Variants in SPATA7 observed in about 807,000 individuals in gnomAD.
SPATA7 encodes spermatogenesis associated 7, also known as spermatogenesis-associated protein 7.
Under a neutral mutation model 51.8 loss-of-function variants are expected in SPATA7, and 43 were observed. The ratio of observed to expected loss-of-function variants is 0.83; its 90% CI spans 0.65 to 1.07. The LOEUF (loss-of-function observed/expected upper bound fraction) is 1.07, where lower values mean the gene tolerates loss of function less well. SPATA7 is among the 50% of genes least tolerant of loss of function. SPATA7 has a pLI of 0.00. For missense variants in SPATA7, 683 were observed against 701.3 expected (o/e 0.97, Z 0.30); for synonymous variants, 230 against 252.8 (o/e 0.91, Z 0.86).
At chr14:88,440,055 G>A (rs578037110), downstream of SPATA7, among the ~76,000 whole-genome samples, 1 of 152,002 alleles carries the variant, frequency 6.6e-6, no homozygotes, top group African/African-American at 2.4e-5. Flanking sequence ...TTGCTTCTTG[G>A]GTTCTGTTGT....
intron 4 of SPATA7, among the ~76,000 whole-genome samples, chr14:88,461,161 C>T (rs776142750): frequency 7.2e-5 from 11 of 152,196 alleles, no homozygotes; most frequent in Non-Finnish European, 1.5e-4. Flanking sequence ...GGGTCAGGGA[C>T]CCACTTGAGG....
rs1324344389 is a variant in SPATA7, at chr14:88,396,015, TTA to T, written c.191-140_191-139del. ...AGTTATTAATCCCAACAGTGTATTTTTAATCAAGGATCTTGTGTTTTCCATCG... is the reference window on the plus strand; with the variant it reads ...AGTTATTAATCCCAACAGTGTATTTTATCAAGGATCTTGTGTTTTCCATCG... On this transcript the variant is annotated intron_variant, in intron 3 of 11. Transcript: ENST00000393545. 5.6e-6 allele frequency: 4 copies of T among 711,542 alleles called. No individual in the cohort carries two copies. The Admixed American group carries it at 8.6e-5, about 15-fold the overall frequency. The allele number at this position is 711,542 out of a possible 1,614,324, so 44.1% of individuals were successfully genotyped here.
chr14:88,436,140 G>T (rs1256859497), intron 10 of SPATA7, among the ~76,000 whole-genome samples: 1 of 152,056 alleles, frequency 6.6e-6, no homozygotes, highest in Admixed American at 6.5e-5. Flanking sequence ...TTGTAGTTTT[G>T]ATTTGCATTC....
At chr14:88,402,959 CAAAAAAA>C (rs56330042) in intron 4 of SPATA7, among the ~76,000 whole-genome samples, 2 of 62,018 alleles carry the variant, frequency 3.2e-5, no homozygotes, top group Admixed American at 2.7e-4. Flanking sequence ...AACTCAATAG[CAAAAAAA>C]AAAAAAAAAA....
At chr14:88,458,354 T>C (rs2077297923), downstream of SPATA7, among the ~76,000 whole-genome samples, 2 of 152,228 alleles carry the variant, frequency 1.3e-5, no homozygotes, top group African/African-American at 4.8e-5. Flanking sequence ...CATCTGGTCC[T>C]GGACTTTTTT....
chr14:88,464,919 G>A (rs1273175958), intron 4 of SPATA7, among the ~76,000 whole-genome samples: 1 of 151,994 alleles, frequency 6.6e-6, no homozygotes, highest in Non-Finnish European at 1.5e-5. Flanking sequence ...AATGACTGAT[G>A]GTGAAAGCTT....
At chr14:88,411,691 G>A (rs55722539) in intron 4 of SPATA7, among the ~76,000 whole-genome samples, 33,315 of 151,972 alleles carry the variant, frequency 0.22, 3,931 homozygotes, top group East Asian at 0.3. Context: ...CTCACCCTCC[G>A]TGGGCTGCAC....
intron 3 of SPATA7, 135 bp from the exon 4 acceptor site, chr14:88,396,021 A>C: frequency 1.4e-6 from 1 of 723,298 alleles, no homozygotes; most frequent in South Asian, 1.6e-5. Flanking sequence ...ATTTTTAATC[A>C]AGGATCTTGT....
intron 10 of SPATA7, among the ~76,000 whole-genome samples, chr14:88,435,556 A>AC (rs972516963): frequency 2.0e-5 from 3 of 152,134 alleles, no homozygotes; most frequent in African/African-American, 7.2e-5. Flanking sequence ...CCCATTAACT[A>AC]CCCCACTTAA....
At chr14:88,468,418 C>A (rs562759160) in intron 4 of SPATA7, among the ~76,000 whole-genome samples, 1 of 152,314 alleles carries the variant, frequency 6.6e-6, no homozygotes, top group East Asian at 1.9e-4. Context: ...TGATTGCCTA[C>A]TTCTGATTTT....
chr14:88,469,910 A>T lies in SPATA7; in HGVS notation c.*43A>T, dbSNP rs2297128. On this transcript the variant is annotated 3_prime_UTR_variant, in exon 5 of 5. Transcript: ENST00000556406. The surrounding 1 kb of genome is among the most constrained non-coding windows in gnomAD (Gnocchi z 4.3). ...AGGCTGAGAAAATCACTTAAGAGAA[A>T]TAAGTACCTACCTCTTCTGCTGTCA... 3 of 1,613,574 alleles carry T rather than the reference A, an allele frequency of 1.9e-6. No homozygotes were observed. The highest frequency in any genetic ancestry group is 2.5e-6 in the Non-Finnish European group (3 of 1,179,806).
At chr14:88,402,560 A>G (rs768510290) in intron 4 of SPATA7, among the ~76,000 whole-genome samples, 1 of 152,212 alleles carries the variant, frequency 6.6e-6, no homozygotes, top group Non-Finnish European at 1.5e-5. Context: ...AGTGTCATCA[A>G]TGAATGACTC....
chr14:88,452,415 G>A (rs1344044889), intron 3 of SPATA7, among the ~76,000 whole-genome samples: 2 of 152,170 alleles, frequency 1.3e-5, no homozygotes, highest in Admixed American at 1.3e-4. Flanking sequence ...CCAGCCAGGA[G>A]GTGGCGCTTT....
intron 3 of SPATA7, among the ~76,000 whole-genome samples, chr14:88,395,485 T>G (rs1030300590): frequency 1.4e-5 from 2 of 147,766 alleles, no homozygotes; most frequent in Non-Finnish European, 3.0e-5. Flanking sequence ...TTGCCTAACC[T>G]TAGGTCACTC....
intron 10 of SPATA7, among the ~76,000 whole-genome samples, chr14:88,437,158 A>G (rs916865913): frequency 1.3e-5 from 2 of 151,562 alleles, no homozygotes; most frequent in Non-Finnish European, 2.9e-5. Context: ...TAATTTAGGA[A>G]GGATTATAAA....
At chr14:88,417,984 A>G (rs2076532893) in intron 5 of SPATA7, among the ~76,000 whole-genome samples, 1 of 152,210 alleles carries the variant, frequency 6.6e-6, no homozygotes, top group South Asian at 2.1e-4. Flanking sequence ...TCAATTTTTT[A>G]AGTCATTATA....
At position 88,396,284 on chromosome 14, in the gene SPATA7, C is replaced by G. The variant is rs2075877289; in HGVS notation, c.238+81C>G. On this transcript the variant is annotated intron_variant, in intron 4 of 11. Transcript: ENST00000393545. ...ATAACATAAAATTTACTGTCTTAAC[C>G]ATTTTTAAGTGTCCAGTTCAATATT... The G allele has an allele frequency of 3.0e-6, 3 of 985,786 alleles. No individual in the cohort carries two copies. The African/African-American group carries it at 4.9e-5, about 16-fold the overall frequency. The allele number at this position is 985,786 out of a possible 1,614,324, so 61.1% of individuals were successfully genotyped here.
chr14:88,402,453 A>G (rs530368496), intron 4 of SPATA7, among the ~76,000 whole-genome samples: 1 of 152,256 alleles, frequency 6.6e-6, no homozygotes, highest in Non-Finnish European at 1.5e-5. Flanking sequence ...CACATACCAG[A>G]CCAATGGAAA....
rs773224614 is a variant in SPATA7, at chr14:88,391,558, A to C, written c.94+103A>C. The C allele has an allele frequency of 4.2e-6, 4 of 947,264 alleles. No individual in the cohort carries two copies. In the South Asian group the frequency reaches 5.6e-5, roughly 13 times the overall value. The allele number at this position is 947,264 out of a possible 1,614,324, so 58.7% of individuals were successfully genotyped here. A position where few individuals can be genotyped will look rare whatever the true frequency, so the allele number is the denominator to read the frequency against. On this transcript the variant is annotated intron_variant, in intron 2 of 11. Coordinates refer to ENST00000393545, the MANE Select transcript of SPATA7 (RefSeq NM_018418.5). The stretch of plus-strand genomic sequence containing the variant: ...GATGGAAAAATTGTTTCATTTGACG[A>C]ATATTTGAACTTCATATTATTAATT...
Sources: allele counts gnomAD v4.1 joint callset (sites outside exome capture counted in the v4.1 genomes callset), GRCh38; gene constraint gnomAD v4.1.1; non-coding constraint Gnocchi (gnomAD v3.1); transcripts MANE v1.5; gene names NCBI Gene and HGNC (gene_info 2026-07-23, HGNC 2026-07-21).